The following DLGAP1 variants were observed in gnomAD, a reference collection of about 807,000 sequenced individuals.
The protein encoded by DLGAP1 is DLG associated protein 1, also known as disks large-associated protein 1.
In DLGAP1, 11 loss-of-function variants were observed where a neutral mutation model predicts 90.8. That is an observed-to-expected ratio of 0.12 (90% CI 0.08 to 0.20). DLGAP1 has a LOEUF of 0.20. Among genes scored for constraint, DLGAP1 ranks in the 10% least tolerant of loss-of-function variants. The pLI, the probability that DLGAP1 is intolerant of heterozygous loss-of-function variation, is 1.00. For synonymous variants in DLGAP1, 558 were observed against 540.7 expected (o/e 1.03, Z -0.44); for missense variants, 1,050 against 1,333.8 (o/e 0.79, Z 3.31).
intron 1 of DLGAP1, among the ~76,000 whole-genome samples, chr18:4,372,529 T>G (rs9956883): frequency 0.15 from 23,350 of 152,106 alleles, 2,470 homozygotes; most frequent in African/African-American, 0.3. Context: ...AGTCCTGGTG[T>G]TAGAGGAAGG....
intron 7 of DLGAP1, among the ~76,000 whole-genome samples, chr18:3,643,349 A>G (rs1487822754): frequency 6.6e-6 from 1 of 152,132 alleles, no homozygotes; most frequent in Non-Finnish European, 1.5e-5. Context: ...CAGTAAGAAA[A>G]AGACTAACAG....
At chr18:4,174,587 C>A (rs748586076) in intron 1 of DLGAP1, among the ~76,000 whole-genome samples, 3 of 152,140 alleles carry the variant, frequency 2.0e-5, no homozygotes, top group African/African-American at 7.2e-5. Context: ...CCCTCCTCGG[C>A]CTCCCAAAGT....
chr18:4,382,605 T>TC (rs1172525913), intron 1 of DLGAP1, among the ~76,000 whole-genome samples: 6 of 151,924 alleles, frequency 3.9e-5, no homozygotes, highest in African/African-American at 1.5e-4. Context: ...TACTTTGCAA[T>TC]TAAAAAAACC....
chr18:3,569,954 G>A lies in DLGAP1; in HGVS notation c.1966-2373C>T, dbSNP rs72864742. Among the ~76,000 whole-genome samples, 302 of 151,940 alleles carry A rather than the reference G, an allele frequency of 2.0e-3. 3 individuals are homozygous for A. The highest frequency in any genetic ancestry group is 2.2e-3 in the Non-Finnish European group (152 of 68,000). The stretch of plus-strand genomic sequence containing the variant: ...GCAGAAGTACCATTCTGTATCTTTT[G>A]TACTGTATTTTTACTGTACCTTTTC... On this transcript the variant is annotated intron_variant, in intron 8 of 12. Transcript: ENST00000315677.
intron 10 of DLGAP1, among the ~76,000 whole-genome samples, 194 bp downstream of exon 10, chr18:3,534,000 T>C (rs1300605443): frequency 6.6e-6 from 1 of 151,926 alleles, no homozygotes; most frequent in Non-Finnish European, 1.5e-5. Context: ...ACCCAGGAGT[T>C]TTCTTGGTTT....
chr18:4,129,152 G>A (rs1199646445), intron 2 of DLGAP1, among the ~76,000 whole-genome samples: 1 of 152,112 alleles, frequency 6.6e-6, no homozygotes, highest in Non-Finnish European at 1.5e-5. Flanking sequence ...AAATGTGACA[G>A]CTAAATTAGT....
At chr18:3,540,576 G>A (rs542977177) in intron 9 of DLGAP1, among the ~76,000 whole-genome samples, 1 of 151,880 alleles carries the variant, frequency 6.6e-6, no homozygotes, top group South Asian at 2.1e-4. Flanking sequence ...GCATGGGAGG[G>A]CGCAGGCATA....
chr18:4,116,506 C>T (rs2076066395), intron 2 of DLGAP1, among the ~76,000 whole-genome samples: 1 of 151,900 alleles, frequency 6.6e-6, no homozygotes, highest in Admixed American at 6.6e-5. Context: ...GAATGGTGTT[C>T]CACTCTATTC....
chr18:3,766,105 C>T (rs1678933595), intron 5 of DLGAP1, among the ~76,000 whole-genome samples: 1 of 152,032 alleles, frequency 6.6e-6, no homozygotes, highest in Admixed American at 6.6e-5. Flanking sequence ...GCAAATATAA[C>T]AATGTAGGCA....
intron 3 of DLGAP1, among the ~76,000 whole-genome samples, chr18:3,925,280 G>C (rs1316738817): frequency 8.1e-6 from 1 of 124,048 alleles, no homozygotes; most frequent in African/African-American, 3.0e-5. Context: ...TAACAGATTT[G>C]TGGGATTTTT....
rs143231987 is a variant in DLGAP1, at chr18:4,253,232, C to T, written c.-266-101945G>A. 8.5e-5 allele frequency among the ~76,000 whole-genome samples: 13 copies of T among 152,208 alleles called. No individual in the cohort carries two copies. The East Asian group carries it at 1.5e-3, about 18-fold the overall frequency. On this transcript the variant is annotated intron_variant, in intron 1 of 12. Coordinates refer to ENST00000315677, the MANE Select transcript of DLGAP1 (RefSeq NM_004746.4). Reference sequence around the variant, plus strand: ...TGGCCAATCAACTCCATTCATCCAGCCCTAACTAACCCCTTGCAGGATGCT... The same window carrying T: ...TGGCCAATCAACTCCATTCATCCAGTCCTAACTAACCCCTTGCAGGATGCT...
intron 5 of DLGAP1, among the ~76,000 whole-genome samples, chr18:3,765,113 C>G (rs1378641031): frequency 7.8e-6 from 1 of 127,602 alleles, no homozygotes; most frequent in Non-Finnish European, 1.6e-5. Context: ...TGCACACTTG[C>G]AAACTTTTTT....
At chr18:3,539,792 C>A (rs1478276500) in intron 9 of DLGAP1, among the ~76,000 whole-genome samples, 2 of 152,218 alleles carry the variant, frequency 1.3e-5, no homozygotes, top group Non-Finnish European at 2.9e-5. Flanking sequence ...AGACACTCAA[C>A]TGATGAGACT....
intron 8 of DLGAP1, among the ~76,000 whole-genome samples, chr18:3,579,457 G>A (rs1160177856): frequency 6.6e-6 from 1 of 152,274 alleles, no homozygotes; most frequent in Non-Finnish European, 1.5e-5. Context: ...TGACCCACCC[G>A]CCTTGGCCTC....
At chr18:4,219,007 C>G (rs1281169349) in intron 1 of DLGAP1, among the ~76,000 whole-genome samples, 1 of 121,420 alleles carries the variant, frequency 8.2e-6, no homozygotes, top group Non-Finnish European at 1.7e-5. Context: ...ATTGCTGGGT[C>G]TTATGCTAGT....
chr18:3,600,660 C>CTA (rs761702159), intron 7 of DLGAP1, among the ~76,000 whole-genome samples: 9 of 142,890 alleles, frequency 6.3e-5, no homozygotes, highest in Non-Finnish European at 9.0e-5. Context: ...ATATAGATAT[C>CTA]TATAGAGATC....
chr18:4,237,268 G>A (rs1021449386), intron 1 of DLGAP1, among the ~76,000 whole-genome samples: 1 of 152,192 alleles, frequency 6.6e-6, no homozygotes, highest in African/African-American at 2.4e-5. Flanking sequence ...TATACTTGTT[G>A]TTGTTTGCTA....
At chr18:3,505,630 C>A (rs2050173124) in intron 11 of DLGAP1, among the ~76,000 whole-genome samples, 1 of 125,974 alleles carries the variant, frequency 7.9e-6, no homozygotes, top group African/African-American at 3.1e-5. Flanking sequence ...CAGAGTGAGA[C>A]TCCCTCTAAA....
At chr18:3,531,322 A>C (rs574271422) in intron 10 of DLGAP1, among the ~76,000 whole-genome samples, 105 of 152,168 alleles carry the variant, frequency 6.9e-4, no homozygotes, top group African/African-American at 2.4e-3. Context: ...CTGTAATCCC[A>C]GCTACTCAGG....
Sources: gnomAD v4.1 joint callset for allele counts (sites outside exome capture counted in the v4.1 genomes callset) on GRCh38, gnomAD v4.1.1 for gene constraint, MANE v1.5 for transcripts, NCBI Gene and HGNC (gene_info 2026-07-23, HGNC 2026-07-21) for gene names.